Variants in PPM1B observed in about 807,000 individuals in gnomAD.
PPM1B encodes protein phosphatase 1B.
A neutral mutation model predicts 43.0 loss-of-function variants in PPM1B; 22 were observed. The ratio of observed to expected loss-of-function variants is 0.51; its 90% CI spans 0.37 to 0.73. The LOEUF (loss-of-function observed/expected upper bound fraction) is 0.73, where lower values mean the gene tolerates loss of function less well. Ranked by LOEUF, PPM1B falls within the 30% of genes least tolerant of loss-of-function variation. The probability of loss-of-function intolerance (pLI) is 0.00; values close to 1 mark genes in which losing one functional copy is unlikely to be tolerated. For synonymous variants in PPM1B, 217 were observed against 197.9 expected, an observed-to-expected ratio of 1.10 and a Z score of -0.81; for missense variants, 632 against 584.2, an observed-to-expected ratio of 1.08 and a Z score of -0.84.
intron 1 of PPM1B, among the ~76,000 whole-genome samples, chr2:44,173,853 G>A (rs886976386): frequency 6.6e-6 from 1 of 152,156 alleles, no homozygotes; most frequent in Non-Finnish European, 1.5e-5. Context: ...CTGTGGTGGA[G>A]AATTGCTTGT....
rs569365856 is a variant in PPM1B, at chr2:44,227,706, G to A, written c.1135-2707G>A. Among the ~76,000 whole-genome samples, 4 of 151,530 alleles carry A rather than the reference G, an allele frequency of 2.6e-5. No individual in the cohort carries two copies. The South Asian group carries it at 6.3e-4, about 24-fold the overall frequency. On this transcript the variant is annotated intron_variant, in intron 5 of 5. Transcript: ENST00000282412. ...GGCTAATTTTTGTATTTTTAGTAGA[G>A]ATGGGGTTTCACCATGTTGGTCAGG...
intron 5 of PPM1B, among the ~76,000 whole-genome samples, chr2:44,228,425 G>A (rs150457410): frequency 3.0e-4 from 45 of 152,082 alleles, no homozygotes; most frequent in African/African-American, 9.2e-4. Flanking sequence ...CCTCCTACCC[G>A]TCTCCCAAAG....
At chr2:44,219,732 T>C (rs186780603) in intron 5 of PPM1B, among the ~76,000 whole-genome samples, 87 of 151,956 alleles carry the variant, frequency 5.7e-4, no homozygotes, top group African/African-American at 2.0e-3. Context: ...TCACCTGAGG[T>C]TGGGAGTTCG....
intron 1 of PPM1B, among the ~76,000 whole-genome samples, chr2:44,174,617 T>G (rs1392093140): frequency 1.3e-5 from 2 of 152,244 alleles, no homozygotes; most frequent in Non-Finnish European, 2.9e-5. Flanking sequence ...AATGAATAAG[T>G]GTTGTTTGCC....
chr2:44,231,658 C>A (rs1283027148), downstream of PPM1B, among the ~76,000 whole-genome samples: 2 of 152,030 alleles, frequency 1.3e-5, no homozygotes, highest in Admixed American at 1.3e-4. Flanking sequence ...TAAATCTATT[C>A]TTTTTCTTAT....
chr2:44,231,410 A>C lies in PPM1B; in HGVS notation c.*692A>C, dbSNP rs1670464702. The C allele has an allele frequency of 1.0e-6, 1 of 974,808 alleles. No individual in the cohort carries two copies. Among genetic ancestry groups the C allele is most frequent in the Admixed American group, 6.2e-5 (1 of 16,256 alleles). 60.4% of individuals were successfully genotyped at this position (974,808 alleles called of 1,614,324 possible). A position where few individuals can be genotyped will look rare whatever the true frequency, so the allele number is the denominator to read the frequency against. On this transcript the variant is annotated 3_prime_UTR_variant, in exon 6 of 6. Transcript: ENST00000282412. ...CACACATCAAAATGTATGTCAACCA[A>C]GTGTTTAGAATGAAATTATAAGTGT... is the stretch of plus-strand genomic sequence containing the variant.
downstream of PPM1B, chr2:44,232,992 T>A: frequency 3.1e-6 from 3 of 980,110 alleles, no homozygotes; most frequent in Non-Finnish European, 3.6e-6. Flanking sequence ...ATTTTATGCA[T>A]GTATCTACTG....
At chr2:44,172,747 A>T (rs543252541) in intron 1 of PPM1B, among the ~76,000 whole-genome samples, 16 of 152,232 alleles carry the variant, frequency 1.1e-4, no homozygotes, top group Middle Eastern at 6.8e-3. Flanking sequence ...CTGTCTCTAC[A>T]AAAAATAAAG....
chr2:44,176,698 T>C (rs766156046), intron 1 of PPM1B, among the ~76,000 whole-genome samples: 3 of 152,216 alleles, frequency 2.0e-5, no homozygotes, highest in African/African-American at 4.8e-5. Flanking sequence ...AAAAGATCTT[T>C]CATCTTTTTG....
At chr2:44,236,542 T>C (rs1045044218), downstream of PPM1B, among the ~76,000 whole-genome samples, 4 of 152,088 alleles carry the variant, frequency 2.6e-5, no homozygotes, top group Non-Finnish European at 4.4e-5. Flanking sequence ...ATAATATTAG[T>C]CGGGGAAAAA....
In PPM1B at chr2:44,230,402, C is replaced by CTTTT. The variant is rs1321641925; in HGVS notation, c.1135-9_1135-8insTTTT. 1 of 1,611,702 alleles carries CTTTT rather than the reference C, an allele frequency of 6.2e-7. No individual in the cohort carries two copies. ...GTCTACTGACACTGGGGTCTTGAAT[C>CTTTT]TTAAAAAAAGGCCTCCGATGAAGCA... On this transcript the variant is annotated splice_polypyrimidine_tract_variant and intron_variant, in intron 5 of 5. Coordinates refer to ENST00000282412, the MANE Select transcript of PPM1B (RefSeq NM_002706.6).
intron 2 of PPM1B, among the ~76,000 whole-genome samples, chr2:44,205,611 G>A (rs1442991492): frequency 2.6e-5 from 4 of 151,830 alleles, no homozygotes; most frequent in Non-Finnish European, 2.9e-5. Flanking sequence ...ACGTAAAATA[G>A]GATTTTTTCT....
At chr2:44,220,821 T>C (rs964156000) in intron 5 of PPM1B, among the ~76,000 whole-genome samples, 2 of 152,186 alleles carry the variant, frequency 1.3e-5, no homozygotes, top group South Asian at 2.1e-4. Context: ...AGAGAAAAGA[T>C]AGTATTTGAA....
chr2:44,220,974 A>G (rs889933982), intron 5 of PPM1B, among the ~76,000 whole-genome samples: 2 of 152,226 alleles, frequency 1.3e-5, no homozygotes. Context: ...AAAAATAAGA[A>G]TTTAGGTTGC....
intron 2 of PPM1B, among the ~76,000 whole-genome samples, chr2:44,207,851 G>A (rs938601178): frequency 1.3e-5 from 2 of 149,194 alleles, no homozygotes; most frequent in African/African-American, 2.5e-5. Context: ...CCGAAGTGCT[G>A]GGATTATAGC....
intron 1 of PPM1B, among the ~76,000 whole-genome samples, chr2:44,186,237 G>A (rs1316908677): frequency 1.3e-5 from 2 of 152,172 alleles, no homozygotes; most frequent in Non-Finnish European, 2.9e-5. Context: ...TCTACACATT[G>A]TCTAGGAACA....
chr2:44,229,965 T>G, intron 5 of PPM1B: 2 of 1,531,718 alleles, frequency 1.3e-6, no homozygotes, highest in South Asian at 2.4e-5. Flanking sequence ...CTATATAGTT[T>G]TATGTTTTGT....
intron 5 of PPM1B, among the ~76,000 whole-genome samples, chr2:44,224,450 G>A (rs796145557): frequency 4.1e-4 from 36 of 87,062 alleles, no homozygotes; most frequent in African/African-American, 1.5e-3. Flanking sequence ...GCAAGACTCC[G>A]TCTCCAAAAA....
At chr2:44,170,646 C>A (rs1473136880) in intron 1 of PPM1B, among the ~76,000 whole-genome samples, 1 of 152,192 alleles carries the variant, frequency 6.6e-6, no homozygotes, top group Non-Finnish European at 1.5e-5. Context: ...CATTTACTTT[C>A]TCTGTTGTGC....
Sources: gnomAD v4.1 joint callset for allele counts (sites outside exome capture counted in the v4.1 genomes callset) on GRCh38, gnomAD v4.1.1 for gene constraint, MANE v1.5 for transcripts, NCBI Gene and HGNC (gene_info 2026-07-23, HGNC 2026-07-21) for gene names.